DLGAP2: variants seen among roughly 807,000 people sequenced by gnomAD.
The protein encoded by DLGAP2 is DLG associated protein 2.
A neutral mutation model predicts 100.3 loss-of-function variants in DLGAP2; 26 were observed. That is an observed-to-expected ratio of 0.26 (90% CI 0.19 to 0.36). The LOEUF (loss-of-function observed/expected upper bound fraction) is 0.36, where lower values mean the gene tolerates loss of function less well. DLGAP2 is among the 10% of genes least tolerant of loss of function. DLGAP2 has a pLI of 1.00. For missense variants in DLGAP2, 1,858 were observed against 1,453.2 expected, an observed-to-expected ratio of 1.28 and a Z score of -4.53; for synonymous variants, 886 against 630.1, an observed-to-expected ratio of 1.41 and a Z score of -6.08.
chr8:1,077,785 A>AC (rs1803669457), intron 2 of DLGAP2, among the ~76,000 whole-genome samples: 1 of 152,030 alleles, frequency 6.6e-6, no homozygotes, highest in Non-Finnish European at 1.5e-5. Flanking sequence ...AGTTTATCAA[A>AC]CTCCCCTTTT....
At chr8:1,210,826 G>C (rs1475791058) in intron 2 of DLGAP2, among the ~76,000 whole-genome samples, 5 of 151,940 alleles carry the variant, frequency 3.3e-5, no homozygotes, top group Non-Finnish European at 2.9e-5. Context: ...TTTCCCATGT[G>C]GGACACTTTG....
chr8:1,335,280 C>G (rs1043394893), intron 3 of DLGAP2, among the ~76,000 whole-genome samples: 10 of 152,162 alleles, frequency 6.6e-5, no homozygotes, highest in Admixed American at 5.2e-4. Context: ...TTAGGGCGGC[C>G]TAATGAGGAT....
intron 2 of DLGAP2, among the ~76,000 whole-genome samples, chr8:1,237,092 T>TA (rs1430863723): frequency 3.4e-5 from 4 of 118,094 alleles, no homozygotes; most frequent in South Asian, 5.9e-4. Context: ...CGTGTCTAGT[T>TA]CTCTCACATG....
chr8:1,485,415 T>G (rs907491108), intron 3 of DLGAP2, among the ~76,000 whole-genome samples: 1 of 152,178 alleles, frequency 6.6e-6, no homozygotes, highest in East Asian at 1.9e-4. Flanking sequence ...GAAAACCAGT[T>G]GAGAGGCACA....
intron 2 of DLGAP2, among the ~76,000 whole-genome samples, chr8:1,167,483 G>A (rs1296185959): frequency 6.6e-6 from 1 of 152,196 alleles, no homozygotes; most frequent in Non-Finnish European, 1.5e-5. Flanking sequence ...AACCCATGGT[G>A]TTTCTACATG....
At chr8:1,105,915 TGAA>T (rs919245247) in intron 2 of DLGAP2, among the ~76,000 whole-genome samples, 1 of 147,242 alleles carries the variant, frequency 6.8e-6, no homozygotes, top group African/African-American at 2.5e-5. Context: ...GGTTTTCTAT[TGAA>T]GGAGGCCATT....
intron 2 of DLGAP2, among the ~76,000 whole-genome samples, chr8:922,328 C>T (rs978484774): frequency 6.6e-6 from 1 of 152,158 alleles, no homozygotes; most frequent in African/African-American, 2.4e-5. Flanking sequence ...GGACAGCGGA[C>T]CCCTCCGGAG....
At chr8:1,103,806 T>G (rs1804665459) in intron 2 of DLGAP2, among the ~76,000 whole-genome samples, 1 of 151,672 alleles carries the variant, frequency 6.6e-6, no homozygotes. Flanking sequence ...TGGTTGACGG[T>G]GATGACTGGC....
At chr8:1,048,381 T>A (rs1362293387) in intron 2 of DLGAP2, among the ~76,000 whole-genome samples, 1 of 152,084 alleles carries the variant, frequency 6.6e-6, no homozygotes. Flanking sequence ...CTTCAGTTAT[T>A]AGGGCCTCTC....
rs1365426517 is a variant in DLGAP2 at position 1,082,911 on chromosome 8, A to G, written c.73+174945A>G. On this transcript the variant is annotated intron_variant, in intron 2 of 14. Transcript: ENST00000637795. Reference sequence around the variant, plus strand: ...CTAGTTTTATTCAACTTTTGGGGGAATAGTTTACAAAACTTCTTTTTAGAA... The same window carrying G: ...CTAGTTTTATTCAACTTTTGGGGGAGTAGTTTACAAAACTTCTTTTTAGAA... Among the ~76,000 whole-genome samples the G allele has an allele frequency of 4.6e-5, 7 of 152,230 alleles. No individual in the cohort carries two copies. The East Asian group carries it at 1.2e-3, about 25-fold the overall frequency.
intron 1 of DLGAP2, among the ~76,000 whole-genome samples, chr8:894,810 G>A (rs1339323044): frequency 1.1e-5 from 1 of 89,538 alleles, no homozygotes; most frequent in African/African-American, 4.9e-5. Flanking sequence ...CAGAGTGGTG[G>A]CTGGCAGGGG....
chr8:1,114,278 A>G (rs1461875824), intron 2 of DLGAP2, among the ~76,000 whole-genome samples: 2 of 152,140 alleles, frequency 1.3e-5, no homozygotes, highest in Non-Finnish European at 2.9e-5. Context: ...AAATAGTACC[A>G]GCTCTGCTTT....
intron 6 of DLGAP2, among the ~76,000 whole-genome samples, chr8:1,620,050 C>A (rs911951456): frequency 6.6e-6 from 1 of 152,186 alleles, no homozygotes; most frequent in African/African-American, 2.4e-5. Flanking sequence ...CTTCATCCCC[C>A]CATCCAAGAA....
chr8:1,166,977 T>G (rs1402753960), intron 2 of DLGAP2, among the ~76,000 whole-genome samples: 4 of 152,028 alleles, frequency 2.6e-5, no homozygotes, highest in African/African-American at 9.7e-5. Flanking sequence ...GCAAAAAATT[T>G]TACAAAAACT....
chr8:996,543 C>A (rs574288405), intron 2 of DLGAP2, among the ~76,000 whole-genome samples: 1 of 152,178 alleles, frequency 6.6e-6, no homozygotes, highest in African/African-American at 2.4e-5. Flanking sequence ...TAATGAAAGT[C>A]CTTCCGTGAG....
intron 2 of DLGAP2, among the ~76,000 whole-genome samples, chr8:948,827 C>T (rs555477383): frequency 1.3e-5 from 2 of 152,352 alleles, no homozygotes; most frequent in South Asian, 2.1e-4. Context: ...ACACCTCATG[C>T]TTTGGAGCAG....
At chr8:1,173,268 A>C (rs1179582352) in intron 2 of DLGAP2, among the ~76,000 whole-genome samples, 1 of 152,094 alleles carries the variant, frequency 6.6e-6, no homozygotes, top group Non-Finnish European at 1.5e-5. Flanking sequence ...GTACCCGGCC[A>C]CGTGAGGTGT....
chr8:1,172,203 A>T (rs1797143353), intron 2 of DLGAP2, among the ~76,000 whole-genome samples: 1 of 152,116 alleles, frequency 6.6e-6, no homozygotes, highest in Non-Finnish European at 1.5e-5. Flanking sequence ...AGAATGTTGA[A>T]TATTGGCCCC....
At chr8:1,330,317 G>A (rs1029770302) in intron 3 of DLGAP2, among the ~76,000 whole-genome samples, 1 of 150,018 alleles carries the variant, frequency 6.7e-6, no homozygotes, top group Non-Finnish European at 1.5e-5. Context: ...CAGGGACTGA[G>A]TTCTGGGTGG....
Sources: allele counts gnomAD v4.1 joint callset (sites outside exome capture counted in the v4.1 genomes callset), GRCh38; gene constraint gnomAD v4.1.1; transcripts MANE v1.5; gene names NCBI Gene and HGNC (gene_info 2026-07-23, HGNC 2026-07-21).